Variants in CNR1 observed in about 807,000 individuals in gnomAD.
CNR1 encodes cannabinoid receptor 1, also known as cannabinoid receptor 1 (brain).
Under a neutral mutation model 23.0 loss-of-function variants are expected in CNR1, and 10 were observed. That is an observed-to-expected ratio of 0.43 (90% CI 0.27 to 0.74). CNR1 has a LOEUF of 0.74. Ranked by LOEUF, CNR1 falls within the 30% of genes least tolerant of loss-of-function variation. CNR1 has a pLI of 0.19. For synonymous variants in CNR1, 271 were observed against 255.2 expected (o/e 1.06, Z -0.59); for missense variants, 422 against 618.8 (o/e 0.68, Z 3.37).
rs1490371976 is a variant in CNR1, at chr6:88,143,976, G to A, written c.1299C>T (p.His433=). 2 of 1,614,078 alleles carry A rather than the reference G, an allele frequency of 1.2e-6. No homozygotes were observed. Among genetic ancestry groups the A allele is most frequent in the South Asian group, 1.1e-5 (1 of 91,062 alleles). ...CACTGGCTGCATTGTTTGCGTGTTT[G>A]TGCAGGCAGTCCGAGTCCCCCATGC... The part of the protein sequence containing the change: ...DNSMGDSDCL[H]KHANNAASVH... The change falls in exon 2 of 2, where the codon CAC becomes CAT. Residue 433 remains histidine, a synonymous_variant. Transcript: ENST00000369501.
In CNR1 at chr6:88,145,348, G is replaced by A; in HGVS notation, c.-63-11C>T. ...CCACAGGGGGCAATCCTAAGAGGAG[G>A]GAAAACAAATAAGCCGAATGGTGAG... On this transcript the variant is annotated splice_polypyrimidine_tract_variant and intron_variant, in intron 1 of 1. Coordinates refer to ENST00000369501, the MANE Select transcript of CNR1 (RefSeq NM_016083.6). The A allele has an allele frequency of 6.5e-6, 8 of 1,231,568 alleles. No individual in the cohort carries two copies. Among genetic ancestry groups the A allele is most frequent in the Non-Finnish European group, 9.2e-6 (8 of 870,866 alleles). The allele number at this position is 1,231,568 out of a possible 1,614,324, so 76.3% of individuals were successfully genotyped here.
At chr6:88,151,785 T>C (rs924821658) in intron 1 of CNR1, among the ~76,000 whole-genome samples, 2 of 152,104 alleles carry the variant, frequency 1.3e-5, no homozygotes, top group African/African-American at 4.8e-5. Flanking sequence ...TAGATATATA[T>C]AGACATGGGT....
In CNR1 at chr6:88,144,331, T is replaced by G. The variant is rs1434723489; in HGVS notation, c.944A>C (p.Lys315Thr). ...CTCAGACGTGTGGATGATGATGCTC[T>G]TCTGGGTGCCACGCTGAATCATGCG... ...AVRMIQRGTQ[K>T]SIIIHTSEDG... Residue 315 changes from lysine (K) to threonine (T), a missense_variant, in exon 2 of 2, where the codon AAG (lysine) becomes ACG (threonine). Physicochemically the swap from Lys to Thr is moderately conservative, Grantham distance 78 (BLOSUM62 -1). This residue lies in a region of CNR1 where 211 missense variants were observed against 357.3 expected (regional missense o/e 0.59). Coordinates refer to ENST00000369501, the MANE Select transcript of CNR1 (RefSeq NM_016083.6). The surrounding 1 kb of genome is among the most constrained non-coding windows in gnomAD (Gnocchi z 7.8). 1 of 1,613,388 alleles carries G rather than the reference T, an allele frequency of 6.2e-7. No homozygotes were observed. Among genetic ancestry groups the G allele is most frequent in the Non-Finnish European group, 8.5e-7 (1 of 1,180,026 alleles).
At chr6:88,152,635 T>C (rs1582352209) in intron 1 of CNR1, among the ~76,000 whole-genome samples, 1 of 152,194 alleles carries the variant, frequency 6.6e-6, no homozygotes, top group Admixed American at 6.5e-5. Flanking sequence ...TAATAATATA[T>C]GGATTTTATG....
intron 1 of CNR1, among the ~76,000 whole-genome samples, chr6:88,162,427 T>C (rs1374338690): frequency 6.6e-6 from 1 of 152,240 alleles, no homozygotes; most frequent in Non-Finnish European, 1.5e-5. Context: ...CTGTTTCTTT[T>C]AATCCAGGAA....
chr6:88,165,618 A>C (rs1778329750), intron 1 of CNR1, among the ~76,000 whole-genome samples, 185 bp downstream of exon 1: 1 of 152,242 alleles, frequency 6.6e-6, no homozygotes. Flanking sequence ...AAATGGTAGA[A>C]ATCTCCAGAA....
At chr6:88,165,243 A>G (rs1778308841) in intron 1 of CNR1, among the ~76,000 whole-genome samples, 1 of 152,240 alleles carries the variant, frequency 6.6e-6, no homozygotes, top group African/African-American at 2.4e-5. Flanking sequence ...TTAAAAATGC[A>G]ACATTAACTT....
At chr6:88,162,784 T>C (rs1778171539) in intron 1 of CNR1, among the ~76,000 whole-genome samples, 1 of 152,236 alleles carries the variant, frequency 6.6e-6, no homozygotes, top group South Asian at 2.1e-4. Flanking sequence ...AATACAGATA[T>C]GCAGTATGTA....
At chr6:88,150,729 G>A (rs1021724660) in intron 1 of CNR1, among the ~76,000 whole-genome samples, 2 of 152,210 alleles carry the variant, frequency 1.3e-5, no homozygotes, top group Non-Finnish European at 2.9e-5. Context: ...GGAGTTGAAA[G>A]GCAAAAGCTA....
At chr6:88,154,258 G>T (rs1213038590) in intron 1 of CNR1, among the ~76,000 whole-genome samples, 1 of 152,178 alleles carries the variant, frequency 6.6e-6, no homozygotes, top group African/African-American at 2.4e-5. Context: ...TTATACGAGT[G>T]TAGTAGACTG....
At chr6:88,147,403 A>G (rs1777260068) in intron 1 of CNR1, among the ~76,000 whole-genome samples, 1 of 152,310 alleles carries the variant, frequency 6.6e-6, no homozygotes, top group African/African-American at 2.4e-5. Context: ...GAGAGCTACA[A>G]TTGGGGACGT....
chr6:88,167,087 G>T (rs537110864), upstream of CNR1, among the ~76,000 whole-genome samples: 3 of 151,944 alleles, frequency 2.0e-5, no homozygotes, highest in African/African-American at 7.2e-5. Flanking sequence ...CGCCCCGCCC[G>T]CCGGTCCCCG....
chr6:88,159,670 C>T (rs1777983092), intron 1 of CNR1, among the ~76,000 whole-genome samples: 1 of 152,170 alleles, frequency 6.6e-6, no homozygotes, highest in East Asian at 1.9e-4. Context: ...CGCAGAGACA[C>T]AAAATTCTTT....
chr6:88,150,115 A>G (rs1777437817), intron 1 of CNR1, among the ~76,000 whole-genome samples: 1 of 152,220 alleles, frequency 6.6e-6, no homozygotes, highest in African/African-American at 2.4e-5. Flanking sequence ...CCAGAGTTTG[A>G]GCCTCCATCT....
In CNR1 at chr6:88,144,434, C is replaced by T. The variant is rs140051374; in HGVS notation, c.841G>A (p.Gly281Arg). 3 of 1,613,972 alleles carry T rather than the reference C, an allele frequency of 1.9e-6. No homozygotes were observed. Among genetic ancestry groups the T allele is most frequent in the Admixed American group, 1.7e-5 (1 of 60,002 alleles). Residue 281 changes from glycine to arginine, a missense_variant, in exon 2 of 2, where the codon GGG becomes AGG. By Grantham distance (125) the Gly-to-Arg change is moderately radical. Transcript: ENST00000369501. This position sits in a 1 kb window ranked among gnomAD's most constrained non-coding sequence, Gnocchi z 7.8. Reference sequence around the variant, plus strand: ...AACAGAAGCAGTACGCTGGTGACCCCGATCCAGAACATCAGGTAGGTTTCA... The same window carrying T: ...AACAGAAGCAGTACGCTGGTGACCCTGATCCAGAACATCAGGTAGGTTTCA... ...IDETYLMFWI[G>R]VTSVLLLFIV...
chr6:88,151,517 T>C (rs1777517150), intron 1 of CNR1, among the ~76,000 whole-genome samples: 1 of 152,164 alleles, frequency 6.6e-6, no homozygotes, highest in South Asian at 2.1e-4. Context: ...CAATAATGCC[T>C]AAATCGCAGA....
At chr6:88,146,268 G>A (rs1777179709) in intron 1 of CNR1, among the ~76,000 whole-genome samples, 1 of 152,032 alleles carries the variant, frequency 6.6e-6, no homozygotes, top group Non-Finnish European at 1.5e-5. Flanking sequence ...ACCATGCCCG[G>A]CTAATTTTTG....
Position 88,140,679 on chromosome 6 carries a change from CA to C in CNR1, c.*3176del, listed in dbSNP as rs1291913504. ...AAATGGCAGAAATTAATCAACAGGA[CA>C]GTAACTATAGCGCTACTCATCCAGG... On this transcript the variant is annotated 3_prime_UTR_variant, in exon 2 of 2. Coordinates refer to ENST00000369501, the MANE Select transcript of CNR1 (RefSeq NM_016083.6). 6.6e-6 allele frequency: 1 copy of C among 152,302 alleles called. No individual in the cohort carries two copies. Among genetic ancestry groups the C allele is most frequent in the Non-Finnish European group, 1.5e-5 (1 of 68,036 alleles). The allele number at this position is 152,302 out of a possible 1,614,324, so 9.4% of individuals were successfully genotyped here.
intron 1 of CNR1, among the ~76,000 whole-genome samples, chr6:88,149,110 A>G (rs547622045): frequency 6.6e-6 from 1 of 152,322 alleles, no homozygotes; most frequent in African/African-American, 2.4e-5. Flanking sequence ...GTGCTGGTAC[A>G]GTCTGCTAAC....
Sources: allele counts gnomAD v4.1 joint callset (sites outside exome capture counted in the v4.1 genomes callset), GRCh38; gene constraint gnomAD v4.1.1; regional missense constraint gnomAD v4.1.1; non-coding constraint Gnocchi (gnomAD v3.1); transcripts MANE v1.5; gene names NCBI Gene and HGNC (gene_info 2026-07-23, HGNC 2026-07-21).